Variants in ZFHX3 observed in about 807,000 individuals in gnomAD.
The protein encoded by ZFHX3 is zinc finger homeobox protein 3.
In ZFHX3, 42 loss-of-function variants were observed where a neutral mutation model predicts 279.1. The observed-to-expected ratio is 0.15, with a 90% confidence interval of 0.12 to 0.19. The LOEUF (loss-of-function observed/expected upper bound fraction) is 0.19. Ranked by LOEUF, ZFHX3 falls within the 10% of genes least tolerant of loss-of-function variation. The pLI is 1.00. For synonymous variants in ZFHX3, 2,293 were observed against 1,957.8 expected, an observed-to-expected ratio of 1.17 and a Z score of -4.52; for missense variants, 4,981 against 4,754.0, an observed-to-expected ratio of 1.05 and a Z score of -1.40.
intron 4 of ZFHX3, among the ~76,000 whole-genome samples, chr16:73,302,022 C>G (rs1244007319): frequency 2.0e-5 from 3 of 151,836 alleles, no homozygotes; most frequent in Non-Finnish European, 4.4e-5. Flanking sequence ...ACGGGGACAC[C>G]CTCTTCTCAT....
chr16:73,684,855 C>A (rs2053063277), intron 1 of ZFHX3, among the ~76,000 whole-genome samples: 1 of 151,894 alleles, frequency 6.6e-6, no homozygotes, highest in African/African-American at 2.4e-5. Flanking sequence ...CACGCACCAC[C>A]ACACCTGGCT....
At chr16:73,243,019 G>T (rs2013170679) in intron 5 of ZFHX3, among the ~76,000 whole-genome samples, 2 of 152,214 alleles carry the variant, frequency 1.3e-5, no homozygotes, top group South Asian at 2.1e-4. Context: ...TGAAAAGGAG[G>T]TCAGAGGCTG....
chr16:73,638,383 T>C (rs776584196), intron 2 of ZFHX3, among the ~76,000 whole-genome samples: 12 of 152,230 alleles, frequency 7.9e-5, no homozygotes, highest in South Asian at 2.1e-4. Flanking sequence ...CAATTAGGCA[T>C]TGCAAATTGC....
chr16:73,759,704 A>T (rs1278436181), intron 1 of ZFHX3, among the ~76,000 whole-genome samples: 5 of 152,070 alleles, frequency 3.3e-5, no homozygotes, highest in African/African-American at 1.2e-4. Context: ...ATTCTCATAA[A>T]CCCTTAAACT....
At chr16:73,311,742 T>C (rs1312858838) in intron 4 of ZFHX3, among the ~76,000 whole-genome samples, 1 of 152,196 alleles carries the variant, frequency 6.6e-6, no homozygotes, top group African/African-American at 2.4e-5. Flanking sequence ...AATATAATTT[T>C]TTTCCAAAAC....
chr16:73,318,823 C>A (rs915415243), intron 3 of ZFHX3, among the ~76,000 whole-genome samples: 27 of 152,164 alleles, frequency 1.8e-4, no homozygotes, highest in African/African-American at 6.3e-4. Context: ...TAGAGTCAGG[C>A]CCCCTGAGCT....
chr16:73,480,543 G>A (rs1181040767), intron 2 of ZFHX3, among the ~76,000 whole-genome samples: 1 of 152,202 alleles, frequency 6.6e-6, no homozygotes, highest in Non-Finnish European at 1.5e-5. Flanking sequence ...CCCCAGGTGT[G>A]GGGATGGAGT....
rs1961464568 is a variant in ZFHX3, at chr16:72,959,651, A to C, written c.495T>G (p.Pro165=). 1 of 1,613,880 alleles carries C rather than the reference A, an allele frequency of 6.2e-7. No individual in the cohort carries two copies. The highest frequency in any genetic ancestry group is 2.2e-5 in the East Asian group (1 of 44,870). ...GAGAGTTCAGGAAAAGCGAGGGGAG[A>C]GGCCCACTGCCACTGCCACTCCCAC... The part of the protein sequence containing the change: ...GACGSGSGSG[P]LPSLFLNSLP... Residue 165 remains proline (P), a synonymous_variant, in exon 2 of 10, where the codon CCT becomes CCG. Coordinates refer to ENST00000268489, the MANE Select transcript of ZFHX3 (RefSeq NM_006885.4).
chr16:73,245,197 C>T lies in ZFHX3; in HGVS notation c.-1104+11850G>A, dbSNP rs550146620. On this transcript the variant is annotated intron_variant, in intron 5 of 17. Coordinates refer to the ZFHX3 transcript ENST00000641206. ...CATTGTTGATTTACTCATCTGTCTC[C>T]TCTTGCAAGATGTAAGCTCCTTGAG... Among the ~76,000 whole-genome samples the T allele has an allele frequency of 2.1e-4, 32 of 152,350 alleles. 1 individual carries two copies. The highest frequency in any genetic ancestry group is 5.2e-4 in the Admixed American group (8 of 15,294).
intron 1 of ZFHX3, among the ~76,000 whole-genome samples, chr16:73,697,550 C>G (rs947054730): frequency 6.6e-6 from 1 of 152,178 alleles, no homozygotes; most frequent in Non-Finnish European, 1.5e-5. Flanking sequence ...ATCCCCAGGT[C>G]TCCAAGTCAT....
intron 8 of ZFHX3, among the ~76,000 whole-genome samples, chr16:73,067,879 GC>G (rs1965775325): frequency 6.6e-6 from 1 of 152,078 alleles, no homozygotes; most frequent in African/African-American, 2.4e-5. Flanking sequence ...CGGACCAAGG[GC>G]CCCTCCCCCA....
intron 3 of ZFHX3, among the ~76,000 whole-genome samples, chr16:73,399,676 G>C (rs1454466537): frequency 3.9e-5 from 6 of 152,116 alleles, no homozygotes; most frequent in South Asian, 2.1e-4. Context: ...CCTCCAACAG[G>C]AATCGAGTGC....
At chr16:73,713,363 G>A (rs570049471) in intron 1 of ZFHX3, among the ~76,000 whole-genome samples, 2 of 152,220 alleles carry the variant, frequency 1.3e-5, no homozygotes, top group East Asian at 1.9e-4. Context: ...TAAAGCCACC[G>A]TGGTCTTTCC....
At chr16:73,792,854 G>T (rs1959868695) in intron 1 of ZFHX3, among the ~76,000 whole-genome samples, 2 of 112,294 alleles carry the variant, frequency 1.8e-5, no homozygotes, top group African/African-American at 7.4e-5. Context: ...ACCATACAGT[G>T]CACCCCCCCC....
intron 7 of ZFHX3, among the ~76,000 whole-genome samples, chr16:73,118,127 T>C (rs1966453484): frequency 6.6e-6 from 1 of 152,226 alleles, no homozygotes; most frequent in South Asian, 2.1e-4. Flanking sequence ...GAAGGACAGA[T>C]GGACAAAGAG....
At chr16:73,382,480 C>T (rs1162832083) in intron 3 of ZFHX3, among the ~76,000 whole-genome samples, 1 of 151,986 alleles carries the variant, frequency 6.6e-6, no homozygotes, top group Non-Finnish European at 1.5e-5. Context: ...CGATTGGAGC[C>T]CTTGGAGGTT....
intron 1 of ZFHX3, among the ~76,000 whole-genome samples, chr16:73,837,746 C>T (rs1399922107): frequency 6.6e-6 from 1 of 152,196 alleles, no homozygotes; most frequent in Non-Finnish European, 1.5e-5. Flanking sequence ...AAGCGATTCT[C>T]CTGCCTCAGC....
chr16:73,317,236 TC>T (rs1479397575), intron 4 of ZFHX3, among the ~76,000 whole-genome samples: 2 of 136,170 alleles, frequency 1.5e-5, no homozygotes, highest in African/African-American at 5.5e-5. Context: ...AGATGAGACT[TC>T]CATGTTCCAG....
chr16:72,813,243 A>G (rs1459175810), intron 5 of ZFHX3, among the ~76,000 whole-genome samples: 1 of 152,242 alleles, frequency 6.6e-6, no homozygotes, highest in African/African-American at 2.4e-5. Context: ...ATGAAAAAAT[A>G]ATGTGACTCA....
Sources: gnomAD v4.1 joint callset for allele counts (sites outside exome capture counted in the v4.1 genomes callset) on GRCh38, gnomAD v4.1.1 for gene constraint, MANE v1.5 for transcripts, NCBI Gene and HGNC (gene_info 2026-07-23, HGNC 2026-07-21) for gene names.